The following CFAP43 variants were observed in gnomAD, a reference collection of about 807,000 sequenced individuals.
CFAP43 encodes the protein cilia- and flagella-associated protein 43.
CFAP43 carries 155 observed loss-of-function variants against 218.9 expected under a neutral mutation model. That is an observed-to-expected ratio of 0.71 (90% CI 0.62 to 0.81). CFAP43 has a LOEUF of 0.81. Among genes scored for constraint, CFAP43 ranks in the 30% least tolerant of loss-of-function variants. The pLI, the probability that CFAP43 is intolerant of heterozygous loss-of-function variation, is 0.00. For missense variants in CFAP43, 1,778 were observed against 1,954.3 expected (o/e 0.91, Z 1.70); for synonymous variants, 645 against 681.3 (o/e 0.95, Z 0.83).
chr10:104,179,001 T>C, intron 19 of CFAP43, 28 bp downstream of exon 19: 1 of 1,562,954 alleles, frequency 6.4e-7, no homozygotes, highest in Non-Finnish European at 8.8e-7. Flanking sequence ...GGGCCAAAGG[T>C]ATTAGAATAT....
At chr10:104,209,484 T>A (rs941013460) in intron 5 of CFAP43, among the ~76,000 whole-genome samples, 3 of 152,180 alleles carry the variant, frequency 2.0e-5, no homozygotes, top group African/African-American at 7.2e-5. Flanking sequence ...AAAAAAGGTT[T>A]TAAAATAAAG....
At chr10:104,186,345 T>A (rs574026118) in intron 14 of CFAP43, among the ~76,000 whole-genome samples, 20 of 152,234 alleles carry the variant, frequency 1.3e-4, no homozygotes, top group Non-Finnish European at 2.6e-4. Flanking sequence ...TTCTGCCAAC[T>A]AAGTAAAGTC....
chr10:104,218,347 C>CAAAA (rs68078522), intron 3 of CFAP43, among the ~76,000 whole-genome samples: 1 of 98,608 alleles, frequency 1.0e-5, no homozygotes, highest in Non-Finnish European at 2.3e-5. Flanking sequence ...GACTGTGTCT[C>CAAAA]AAAAAAAAAA....
Position 104,140,947 on chromosome 10 carries a change from A to C in CFAP43, c.4326T>G (p.Leu1442=), listed in dbSNP as rs1178651944. The C allele has an allele frequency of 2.5e-6, 4 of 1,613,442 alleles. No individual in the cohort carries two copies. The South Asian group carries it at 4.4e-5, about 18-fold the overall frequency. ...TTTCCAGTTCTACTTGTCCTTGTTT[A>C]AGAAGAATTTGGATTGTCAAATTCA... The part of the protein sequence containing the change: ...FQLNLTIQIL[L]KQGQVELENF... Residue 1442 remains leucine, a synonymous_variant, in exon 34 of 38, where the codon CTT becomes CTG. Transcript: ENST00000357060.
chr10:104,229,374 C>T (rs1014083655), intron 2 of CFAP43, among the ~76,000 whole-genome samples: 3 of 151,992 alleles, frequency 2.0e-5, no homozygotes, highest in South Asian at 2.1e-4. Context: ...GTCATTAGGC[C>T]GGGCACAGTG....
intron 24 of CFAP43, among the ~76,000 whole-genome samples, chr10:104,162,937 C>T (rs1014673657): frequency 3.3e-5 from 5 of 151,984 alleles, no homozygotes; most frequent in Non-Finnish European, 7.4e-5. Context: ...GAGCACTCTC[C>T]TAAATGTAGG....
chr10:104,142,622 A>C (rs547078032), intron 32 of CFAP43, among the ~76,000 whole-genome samples: 1 of 152,210 alleles, frequency 6.6e-6, no homozygotes, highest in African/African-American at 2.4e-5. Context: ...GGCAACTATA[A>C]ATTCTTTTAT....
intron 10 of CFAP43, among the ~76,000 whole-genome samples, chr10:104,195,271 C>T (rs1437409988): frequency 6.6e-6 from 1 of 152,152 alleles, no homozygotes; most frequent in Admixed American, 6.5e-5. Flanking sequence ...GTAATGGTAC[C>T]TGTATCCCTC....
rs144198702 is a variant in CFAP43 at position 104,187,468 on chromosome 10, C to T, written c.1712G>A (p.Arg571Lys). ...PQVSTTFADE[R>K]GRLKDEIIHK... is the part of the protein sequence containing the mutation. ...AATGATTTCATCTTTCAGCCTTCCT[C>T]TTTCATCAGCAAAGGTTGTGGAAAC... Residue 571 changes from arginine to lysine, a missense_variant, in exon 14 of 38, where the codon AGA becomes AAA. By Grantham distance (26) the Arg-to-Lys change is conservative. Around this residue, in one of 3 missense-constraint regions of CFAP43, gnomAD observed 1,553 missense variants for 1,685.2 expected, o/e 0.92. Coordinates refer to ENST00000357060, the MANE Select transcript of CFAP43 (RefSeq NM_025145.7). 2.5e-6 allele frequency: 4 copies of T among 1,592,246 alleles called. No homozygotes were observed. In the African/African-American group the frequency reaches 5.4e-5, roughly 22 times the overall value.
rs1291631972 is a variant in CFAP43, at chr10:104,179,125, A to G, written c.2383-19T>C. ...TGATGGCCTGAAACAGAACAAGTAT[A>G]TCACTTAACAAAGCAAGAGAAATAT... On this transcript the variant is annotated intron_variant, in intron 18 of 37. Transcript: ENST00000357060. 3 of 1,588,616 alleles carry G rather than the reference A, an allele frequency of 1.9e-6. No homozygotes were observed. The highest frequency in any genetic ancestry group is 1.7e-5 in the Admixed American group (1 of 58,898).
At chr10:104,131,911 T>A (rs1294879197) in intron 36 of CFAP43, among the ~76,000 whole-genome samples, 2 of 152,202 alleles carry the variant, frequency 1.3e-5, no homozygotes, top group African/African-American at 4.8e-5. Flanking sequence ...AGGGGTTAAT[T>A]CTAATATTAA....
intron 4 of CFAP43, 130 bp downstream of exon 4, chr10:104,214,129 G>T: frequency 2.8e-6 from 2 of 709,578 alleles, no homozygotes; most frequent in Non-Finnish European, 4.2e-6. Context: ...CTGAACGTAT[G>T]TGTGTGTATG....
At chr10:104,166,929 T>C (rs1348160632) in intron 22 of CFAP43, among the ~76,000 whole-genome samples, 5 of 152,240 alleles carry the variant, frequency 3.3e-5, no homozygotes, top group Non-Finnish European at 7.4e-5. Context: ...ATCAAAGGAA[T>C]AAAAATTGTC....
In CFAP43 at chr10:104,167,713, C is replaced by A; in HGVS notation, c.2716G>T (p.Glu906Ter). ...LKCFHIPCVV[E>*]NFPMKARTVE... ...GTGCGCGCTTTCATCGGGAAGTTTTCAACCACACAGGGGATATGAAAACAC... is the reference window on the plus strand; with the variant it reads ...GTGCGCGCTTTCATCGGGAAGTTTTAAACCACACAGGGGATATGAAAACAC... The change falls in exon 22 of 38, where the codon GAA (glutamate) becomes TAA (stop). Residue 906 changes from glutamate to a stop codon, truncating the protein, a stop_gained. Transcript: ENST00000357060. LOFTEE classifies it high-confidence loss of function. 1 of 1,610,756 alleles carries A rather than the reference C, an allele frequency of 6.2e-7. No individual in the cohort carries two copies. Among genetic ancestry groups the A allele is most frequent in the Non-Finnish European group, 8.5e-7 (1 of 1,179,086 alleles).
At chr10:104,180,504 G>A (rs1292052467) in intron 17 of CFAP43, among the ~76,000 whole-genome samples, 1 of 148,952 alleles carries the variant, frequency 6.7e-6, no homozygotes, top group Non-Finnish European at 1.5e-5. Flanking sequence ...GGAGTGCAGT[G>A]GTATGATCTT....
chr10:104,169,885 T>C (rs187643177), intron 20 of CFAP43, among the ~76,000 whole-genome samples: 1 of 152,260 alleles, frequency 6.6e-6, no homozygotes, highest in Admixed American at 6.5e-5. Flanking sequence ...CCCTCCTCTC[T>C]CCACTGCTGA....
Position 104,187,502 on chromosome 10 carries a change from T to C in CFAP43, c.1688-10A>G, listed in dbSNP as rs757667382. On this transcript the variant is annotated splice_polypyrimidine_tract_variant and intron_variant, in intron 13 of 37. Transcript: ENST00000357060. ...GCAAAGGTTGTGGAAACTATTAGATTTGGAAAAAGAAGAGAAATCACTTGT... is the reference window on the plus strand; with the variant it reads ...GCAAAGGTTGTGGAAACTATTAGATCTGGAAAAAGAAGAGAAATCACTTGT... 1 of 1,531,760 alleles carries C rather than the reference T, an allele frequency of 6.5e-7. No homozygotes were observed. The highest frequency in any genetic ancestry group is 8.7e-7 in the Non-Finnish European group (1 of 1,143,832). 94.9% of individuals were successfully genotyped at this position (1,531,760 alleles called of 1,614,324 possible).
intron 4 of CFAP43, among the ~76,000 whole-genome samples, 189 bp from the exon 5 acceptor site, chr10:104,212,346 A>G (rs2090889754): frequency 6.6e-6 from 1 of 152,250 alleles, no homozygotes; most frequent in African/African-American, 2.4e-5. Context: ...ACAGTTTTAA[A>G]TTAAGTACTG....
At position 104,143,516 on chromosome 10, in the gene CFAP43, G is replaced by C; in HGVS notation, c.4068C>G (p.Asp1356Glu). The change falls in exon 32 of 38, where the codon GAC becomes GAG. Residue 1356 changes from aspartate (D) to glutamate (E), a missense_variant. Around this residue, in one of 3 missense-constraint regions of CFAP43, gnomAD observed 1,553 missense variants for 1,685.2 expected, o/e 0.92. Transcript: ENST00000357060. ...AGCCTTCTGGCATGTTACTAATATT[G>C]TCCAACTCATCCATAGCTTTCATTA... The part of the protein sequence containing the change: ...AQLMKAMDEL[D>E]NISNMPEGLD... 6.2e-7 allele frequency: 1 copy of C among 1,614,102 alleles called. No individual in the cohort carries two copies. The highest frequency in any genetic ancestry group is 8.5e-7 in the Non-Finnish European group (1 of 1,180,014).
Sources: allele counts gnomAD v4.1 joint callset (sites outside exome capture counted in the v4.1 genomes callset), GRCh38; gene constraint gnomAD v4.1.1; regional missense constraint gnomAD v4.1.1; transcripts MANE v1.5; gene names NCBI Gene and HGNC (gene_info 2026-07-23, HGNC 2026-07-21).